Variants in CTNND2 observed in about 807,000 individuals in gnomAD.
CTNND2 encodes catenin delta-2.
A neutral mutation model predicts 144.4 loss-of-function variants in CTNND2; 22 were observed. The observed-to-expected ratio is 0.15, with a 90% confidence interval of 0.11 to 0.22. The LOEUF (loss-of-function observed/expected upper bound fraction) is 0.22, where lower values mean the gene tolerates loss of function less well. CTNND2 is among the 10% of genes least tolerant of loss of function. The pLI is 1.00. For missense variants in CTNND2, 1,353 were observed against 1,618.8 expected (o/e 0.84, Z 2.82); for synonymous variants, 751 against 695.6 (o/e 1.08, Z -1.25).
At chr5:11,579,517 A>G (rs1778248459) in intron 2 of CTNND2, among the ~76,000 whole-genome samples, 1 of 152,186 alleles carries the variant, frequency 6.6e-6, no homozygotes, top group African/African-American at 2.4e-5. Context: ...ACCACAGGGG[A>G]AAAAATAAAA....
chr5:11,625,013 G>A (rs909798925), intron 2 of CTNND2, among the ~76,000 whole-genome samples: 1 of 151,684 alleles, frequency 6.6e-6, no homozygotes, highest in African/African-American at 2.4e-5. Flanking sequence ...AAAAAACAAA[G>A]TATTTTTGAA....
At chr5:11,670,885 A>G (rs547102018) in intron 2 of CTNND2, among the ~76,000 whole-genome samples, 4 of 152,192 alleles carry the variant, frequency 2.6e-5, no homozygotes, top group Admixed American at 2.6e-4. Flanking sequence ...GGTCTTTACA[A>G]TTTGGTATGT....
chr5:11,665,667 T>A (rs1783530500), intron 2 of CTNND2, among the ~76,000 whole-genome samples: 1 of 152,140 alleles, frequency 6.6e-6, no homozygotes, highest in Non-Finnish European at 1.5e-5. Flanking sequence ...CAATAGAAAA[T>A]ATCAACTTGC....
At position 11,655,546 on chromosome 5, in the gene CTNND2, T is replaced by C. The variant is rs529982055; in HGVS notation, c.174+76590A>G. Among the ~76,000 whole-genome samples the C allele has an allele frequency of 2.7e-3, 410 of 152,196 alleles. 3 individuals are homozygous for C. Among genetic ancestry groups the C allele is most frequent in the African/African-American group, 9.5e-3 (393 of 41,546 alleles). Reference sequence around the variant, plus strand: ...TCTTATTCTTGTCATGATCAATCCTTCCAAGTTTACTTAAGATCATTCCAG... The same window carrying C: ...TCTTATTCTTGTCATGATCAATCCTCCCAAGTTTACTTAAGATCATTCCAG... On this transcript the variant is annotated intron_variant, in intron 2 of 21. Coordinates refer to ENST00000304623, the MANE Select transcript of CTNND2 (RefSeq NM_001332.4).
intron 16 of CTNND2, among the ~76,000 whole-genome samples, chr5:11,058,071 A>T (rs1485689935): frequency 2.0e-5 from 3 of 152,262 alleles, no homozygotes; most frequent in Admixed American, 6.5e-5. Flanking sequence ...GAAGCAGAGC[A>T]TAAAAGTTTG....
At chr5:11,706,559 G>T (rs1785703274) in intron 2 of CTNND2, among the ~76,000 whole-genome samples, 1 of 152,146 alleles carries the variant, frequency 6.6e-6, no homozygotes, top group South Asian at 2.1e-4. Flanking sequence ...TCACACTAAA[G>T]AGTACTCTCT....
At chr5:11,761,569 G>A (rs1346860771) in intron 1 of CTNND2, among the ~76,000 whole-genome samples, 1 of 152,058 alleles carries the variant, frequency 6.6e-6, no homozygotes, top group African/African-American at 2.4e-5. Context: ...CAAGGAAAAA[G>A]TAAATAATAA....
chr5:11,665,104 A>G (rs1783484278), intron 2 of CTNND2, among the ~76,000 whole-genome samples: 1 of 152,190 alleles, frequency 6.6e-6, no homozygotes, highest in African/African-American at 2.4e-5. Context: ...ATTTCCTATG[A>G]ATAAATAAAC....
chr5:11,590,088 C>G (rs1779133285), intron 2 of CTNND2, among the ~76,000 whole-genome samples: 1 of 151,424 alleles, frequency 6.6e-6, no homozygotes, highest in African/African-American at 2.4e-5. Context: ...CTCTGTTCCC[C>G]AGGCTGGAGT....
At chr5:11,507,573 A>G (rs1197703868) in intron 3 of CTNND2, among the ~76,000 whole-genome samples, 1 of 152,322 alleles carries the variant, frequency 6.6e-6, no homozygotes, top group Admixed American at 6.5e-5. Context: ...GCTGCTGAGA[A>G]GTCTGGAAGG....
Position 11,815,285 on chromosome 5 carries a change from C to T in CTNND2, c.38-83013G>A, listed in dbSNP as rs144542903. 1.8e-4 allele frequency among the ~76,000 whole-genome samples: 27 copies of T among 152,146 alleles called. No individual in the cohort carries two copies. In the East Asian group the frequency reaches 2.9e-3, roughly 16 times the overall value. ...AACATTAAATGTTAATTAAAATTAA[C>T]GTTAATGTGGAATTTTCACCTATTT... On this transcript the variant is annotated intron_variant, in intron 1 of 21. Coordinates refer to ENST00000304623, the MANE Select transcript of CTNND2 (RefSeq NM_001332.4).
At chr5:11,517,263 C>G (rs1168751934) in intron 3 of CTNND2, among the ~76,000 whole-genome samples, 1 of 152,200 alleles carries the variant, frequency 6.6e-6, no homozygotes, top group Non-Finnish European at 1.5e-5. Context: ...TACTCTGCTA[C>G]AACTTACACT....
Position 11,242,747 on chromosome 5 carries a change from C to A in CTNND2, c.1629-5924G>T, listed in dbSNP as rs965756800. 3.9e-5 allele frequency among the ~76,000 whole-genome samples: 6 copies of A among 152,282 alleles called. No homozygotes were observed. In the East Asian group the frequency reaches 9.6e-4, roughly 24 times the overall value. On this transcript the variant is annotated intron_variant, in intron 9 of 21. Transcript: ENST00000304623. ...AATCTTTCCCTCCTTGACTGTTGTA[C>A]TAGAATGAGCACAGGATTTGGCATC...
At chr5:11,055,071 C>T (rs545923232) in intron 16 of CTNND2, among the ~76,000 whole-genome samples, 1 of 152,276 alleles carries the variant, frequency 6.6e-6, no homozygotes, top group African/African-American at 2.4e-5. Context: ...TGTGGCAGGA[C>T]TGATTTCTTT....
At chr5:11,077,691 G>C (rs1749093011) in intron 16 of CTNND2, among the ~76,000 whole-genome samples, 1 of 152,160 alleles carries the variant, frequency 6.6e-6, no homozygotes. Flanking sequence ...TGCAATAGGA[G>C]ACCATCTAGG....
At chr5:11,280,981 G>C (rs114441567) in intron 9 of CTNND2, among the ~76,000 whole-genome samples, 1 of 152,034 alleles carries the variant, frequency 6.6e-6, no homozygotes, top group Non-Finnish European at 1.5e-5. Flanking sequence ...TCAGATCAAG[G>C]TGGGGAAGAA....
Position 11,448,992 on chromosome 5 carries a change from T to C in CTNND2, c.288-36923A>G, listed in dbSNP as rs533475721. Among the ~76,000 whole-genome samples the C allele has an allele frequency of 2.8e-3, 419 of 152,066 alleles. 2 individuals carry two copies. Among genetic ancestry groups the C allele is most frequent in the Non-Finnish European group, 4.0e-3 (274 of 67,970 alleles). On this transcript the variant is annotated intron_variant, in intron 3 of 21. Coordinates refer to ENST00000304623, the MANE Select transcript of CTNND2 (RefSeq NM_001332.4). ...TGCTGGGATTATAGGTGTGAGCCAC[T>C]ACACCTGGCCTCAGAATTTTTTTTT...
At position 11,147,205 on chromosome 5, in the gene CTNND2, C is replaced by T. The variant is rs142541327; in HGVS notation, c.2159+12371G>A. On this transcript the variant is annotated intron_variant, in intron 12 of 21. Transcript: ENST00000304623. ...TGTGAAGTGATGGGCCTTAAATACCCAAGCACACAGGCAAGAATATCCCTC... is the reference window on the plus strand; with the variant it reads ...TGTGAAGTGATGGGCCTTAAATACCTAAGCACACAGGCAAGAATATCCCTC... 2.5e-3 allele frequency among the ~76,000 whole-genome samples: 374 copies of T among 152,264 alleles called. 3 individuals are homozygous for T. The highest frequency in any genetic ancestry group is 8.5e-3 in the African/African-American group (351 of 41,534).
At chr5:11,456,357 C>T (rs540568892) in intron 3 of CTNND2, among the ~76,000 whole-genome samples, 41 of 149,794 alleles carry the variant, frequency 2.7e-4, no homozygotes, top group East Asian at 2.4e-3. Context: ...ATAATGGAGA[C>T]GGAATAGAGA....
Sources: gnomAD v4.1 joint callset for allele counts (sites outside exome capture counted in the v4.1 genomes callset) on GRCh38, gnomAD v4.1.1 for gene constraint, MANE v1.5 for transcripts, NCBI Gene and HGNC (gene_info 2026-07-23, HGNC 2026-07-21) for gene names.